Variants in ZNF284 observed in about 807,000 individuals in gnomAD.
ZNF284 encodes the protein zinc finger protein 284.
ZNF284 carries 12 observed loss-of-function variants against 12.9 expected under a neutral mutation model. The ratio of observed to expected loss-of-function variants is 0.93; its 90% CI spans 0.60 to 1.51. The LOEUF is 1.51. Among genes scored for constraint, ZNF284 ranks in the 40% most tolerant of loss-of-function variants. The probability of loss-of-function intolerance (pLI) is 0.00; values close to 1 mark genes in which losing one functional copy is unlikely to be tolerated. For synonymous variants in ZNF284, 225 were observed against 236.5 expected, an observed-to-expected ratio of 0.95 and a Z score of 0.45; for missense variants, 667 against 707.3, an observed-to-expected ratio of 0.94 and a Z score of 0.65.
intron 4 of ZNF284, among the ~76,000 whole-genome samples, chr19:44,083,474 T>TATATATATATAGAGAGAG (rs746837013): frequency 1.5e-5 from 1 of 64,924 alleles, no homozygotes; most frequent in South Asian, 6.8e-4. Context: ...TATATATATA[T>TATATATATATAGAGAGAG]AGAGAGAGAG....
chr19:44,076,880 C>T lies in ZNF284; in HGVS notation c.15+476C>T, dbSNP rs140201129. 3.0e-4 allele frequency among the ~76,000 whole-genome samples: 45 copies of T among 149,734 alleles called. No individual in the cohort carries two copies. The East Asian group carries it at 7.8e-3, about 26-fold the overall frequency. On this transcript the variant is annotated intron_variant, in intron 2 of 4. Transcript: ENST00000421176. ...TGTTGCCCAGACTGGAGTGTGGTGGCGCAATCTCGGCTCACTGCAACCTCC... is the reference window on the plus strand; with the variant it reads ...TGTTGCCCAGACTGGAGTGTGGTGGTGCAATCTCGGCTCACTGCAACCTCC...
In ZNF284 at chr19:44,088,686, A is replaced by G. The variant is rs1967301207; in HGVS notation, c.*1426A>G. The G allele has an allele frequency of 6.6e-6, 1 of 152,240 alleles. No homozygotes were observed. 9.4% of individuals were successfully genotyped at this position (152,240 alleles called of 1,614,324 possible). A position where few individuals can be genotyped will look rare whatever the true frequency, so the allele number is the denominator to read the frequency against. ...AATTCAGTGTCTGTTCTGTAGAGAA[A>G]CCTTAATAATGTGATATATGTGACA... On this transcript the variant is annotated 3_prime_UTR_variant, in exon 5 of 5. Transcript: ENST00000421176.
At chr19:44,082,202 A>G in intron 4 of ZNF284, 97 bp downstream of exon 4, 1 of 941,454 alleles carries the variant, frequency 1.1e-6, no homozygotes, top group Non-Finnish European at 1.6e-6. Context: ...TAAATGGCCA[A>G]ACCTGTTTCC....
chr19:44,072,831 C>T (rs1458119826), intron 1 of ZNF284, among the ~76,000 whole-genome samples: 3 of 152,234 alleles, frequency 2.0e-5, no homozygotes, highest in Admixed American at 6.5e-5. Context: ...GAACATTTAA[C>T]TTTTATGCCG....
intron 1 of ZNF284, among the ~76,000 whole-genome samples, chr19:44,073,335 C>CT (rs1284313049): frequency 2.6e-5 from 4 of 152,160 alleles, no homozygotes; most frequent in African/African-American, 7.2e-5. Context: ...TGAAGGGAGC[C>CT]TTGAGAGCAA....
At position 44,072,188 on chromosome 19, in the gene ZNF284, G is replaced by C. The variant is rs188826045; in HGVS notation, c.-172G>C. The C allele has an allele frequency of 2.6e-5, 4 of 152,472 alleles. No individual in the cohort carries two copies. The highest frequency in any genetic ancestry group is 4.4e-5 in the Non-Finnish European group (3 of 68,196). The allele number at this position is 152,472 out of a possible 1,614,324, so 9.4% of individuals were successfully genotyped here. A position where few individuals can be genotyped will look rare whatever the true frequency, so the allele number is the denominator to read the frequency against. ...TGCATTCGGTGGTAGTTTGGTGTCA[G>C]TCCTGTGTCTTGTCGGTCCTTCTAA... On this transcript the variant is annotated 5_prime_UTR_variant, in exon 1 of 5. Coordinates refer to ENST00000421176, the MANE Select transcript of ZNF284 (RefSeq NM_001037813.4).
At position 44,085,834 on chromosome 19, in the gene ZNF284, G is replaced by A. The variant is rs376876638; in HGVS notation, c.356G>A (p.Ser119Asn). ...TTAACTAGACCTCAAGACTCCATAA[G>A]TAGCTCTCAGTTCTCCACACAAGGT... ...SELTRPQDSI[S>N]SSQFSTQGDV... Residue 119 changes from serine to asparagine, a missense_variant, in exon 5 of 5, where the codon AGT becomes AAT. Coordinates refer to ENST00000421176, the MANE Select transcript of ZNF284 (RefSeq NM_001037813.4). 5.7e-6 allele frequency: 9 copies of A among 1,573,338 alleles called. No individual in the cohort carries two copies. In the African/African-American group the frequency reaches 1.3e-4, roughly 22 times the overall value.
chr19:44,081,555 CAA>C (rs1051395057), intron 3 of ZNF284, among the ~76,000 whole-genome samples: 2 of 151,344 alleles, frequency 1.3e-5, no homozygotes, highest in African/African-American at 4.9e-5. Context: ...ACTAAAAATA[CAA>C]AAAAAATTGC....
intron 3 of ZNF284, 71 bp downstream of exon 3, chr19:44,081,212 T>C: frequency 6.6e-7 from 1 of 1,520,948 alleles, no homozygotes; most frequent in South Asian, 1.2e-5. Flanking sequence ...GGTGTTTGTG[T>C]TAGTTTGTTC....
At position 44,072,265 on chromosome 19, in the gene ZNF284, G is replaced by A. The variant is rs1966957094; in HGVS notation, c.-95G>A. 1.3e-5 allele frequency: 2 copies of A among 152,280 alleles called. No homozygotes were observed. Among genetic ancestry groups the A allele is most frequent in the Admixed American group, 1.3e-4 (2 of 15,282 alleles). 9.4% of individuals were successfully genotyped at this position (152,280 alleles called of 1,614,324 possible). A position where few individuals can be genotyped will look rare whatever the true frequency, so the allele number is the denominator to read the frequency against. On this transcript the variant is annotated 5_prime_UTR_variant, in exon 1 of 5. Transcript: ENST00000421176. ...CAACCACCTGGAAGTTGACTAAGGG[G>A]AGAAGGAGTCTCGTTGGAAAACGGA...
intron 4 of ZNF284, among the ~76,000 whole-genome samples, chr19:44,084,892 C>G (rs1168444766): frequency 1.3e-5 from 2 of 152,094 alleles, no homozygotes; most frequent in Non-Finnish European, 2.9e-5. Context: ...TCATGAGTAC[C>G]CTCTCTGAGT....
intron 4 of ZNF284, among the ~76,000 whole-genome samples, chr19:44,083,474 T>TATATATATATATATAGAGAGAG (rs746837013): frequency 3.1e-5 from 2 of 64,924 alleles, no homozygotes; most frequent in Non-Finnish European, 6.9e-5. Context: ...TATATATATA[T>TATATATATATATATAGAGAGAG]AGAGAGAGAG....
rs61182068 is a variant in ZNF284 at position 44,076,447 on chromosome 19, C to T, written c.15+43C>T. 0.011 allele frequency: 17,549 copies of T among 1,589,844 alleles called. 686 individuals are homozygous for T. The African/African-American group carries it at 0.12, about 11-fold the overall frequency. ...CTTTTGCTGTTCAGATTCTGTTTTG[C>T]TACTTAAGATTGTCACATGTTTTTC... On this transcript the variant is annotated intron_variant, in intron 2 of 4. Transcript: ENST00000421176.
chr19:44,076,774 T>G (rs1568519892), intron 2 of ZNF284, among the ~76,000 whole-genome samples: 2 of 152,110 alleles, frequency 1.3e-5, no homozygotes, highest in South Asian at 2.1e-4. Flanking sequence ...TTATGTAATA[T>G]TCATTATTTA....
rs141608600 is a variant in ZNF284 at position 44,086,352 on chromosome 19, T to G, written c.874T>G (p.Cys292Gly). ...GGAGAAGCCATTCAAATGTTATATA[T>G]GTGGTAAGAGCTTCCATAGTAGATC... is the stretch of plus-strand genomic sequence containing the variant. ...TGEKPFKCYICGKSFHSRSNL... is the reference protein window; with the variant it reads ...TGEKPFKCYIGGKSFHSRSNL... The change falls in exon 5 of 5, where the codon TGT (cysteine) becomes GGT (glycine). Residue 292 changes from cysteine to glycine, a missense_variant. By Grantham distance (159) the Cys-to-Gly change is radical. Coordinates refer to ENST00000421176, the MANE Select transcript of ZNF284 (RefSeq NM_001037813.4). The G allele has an allele frequency of 5.0e-6, 8 of 1,614,062 alleles. No homozygotes were observed. The African/African-American group carries it at 6.7e-5, about 13-fold the overall frequency.
At chr19:44,081,796 G>A (rs1244202269) in intron 3 of ZNF284, among the ~76,000 whole-genome samples, 1 of 151,816 alleles carries the variant, frequency 6.6e-6, no homozygotes, top group Admixed American at 6.6e-5. Context: ...CCACTATCAC[G>A]AGAACAGCAT....
chr19:44,074,105 G>A (rs889830791), intron 1 of ZNF284, among the ~76,000 whole-genome samples: 11 of 151,712 alleles, frequency 7.3e-5, no homozygotes, highest in African/African-American at 1.2e-4. Context: ...TGTAATCCCA[G>A]CACTTTGGGA....
At chr19:44,082,135 A>T (rs1170392291) in intron 4 of ZNF284, 30 bp downstream of exon 4, 1 of 1,559,778 alleles carries the variant, frequency 6.4e-7, no homozygotes, top group Non-Finnish European at 8.8e-7. Flanking sequence ...GCATCCTTGT[A>T]CGTGACCCTT....
rs1410802383 is a variant in ZNF284, at chr19:44,089,320, G to A, written c.*2060G>A. ...CTTCTTTAGTTTCTATAACAAAATA[G>A]TACACTGTTTCCACAAACTTGGGAA... On this transcript the variant is annotated 3_prime_UTR_variant, in exon 5 of 5. Coordinates refer to ENST00000421176, the MANE Select transcript of ZNF284 (RefSeq NM_001037813.4). 6.6e-6 allele frequency: 1 copy of A among 152,014 alleles called. No individual in the cohort carries two copies. Among genetic ancestry groups the A allele is most frequent in the Non-Finnish European group, 1.5e-5 (1 of 68,022 alleles). 9.4% of individuals were successfully genotyped at this position (152,014 alleles called of 1,614,324 possible). A position where few individuals can be genotyped will look rare whatever the true frequency, so the allele number is the denominator to read the frequency against.
Sources: gnomAD v4.1 joint callset for allele counts (sites outside exome capture counted in the v4.1 genomes callset) on GRCh38, gnomAD v4.1.1 for gene constraint, MANE v1.5 for transcripts, NCBI Gene and HGNC (gene_info 2026-07-23, HGNC 2026-07-21) for gene names.